The following FEV variants were observed in gnomAD, a reference collection of about 807,000 sequenced individuals.
FEV encodes the protein protein FEV.
FEV carries 14 observed loss-of-function variants against 20.5 expected under a neutral mutation model. That is an observed-to-expected ratio of 0.68 (90% CI 0.45 to 1.07). The LOEUF is 1.07. FEV is among the 50% of genes least tolerant of loss of function. FEV has a pLI of 0.00. For missense variants in FEV, 301 were observed against 345.3 expected, an observed-to-expected ratio of 0.87 and a Z score of 1.02; for synonymous variants, 188 against 163.7, an observed-to-expected ratio of 1.15 and a Z score of -1.13.
In FEV at chr2:218,981,963, G is replaced by C. The variant is rs1471467311; in HGVS notation, c.421C>G (p.His141Asp). Residue 141 changes from histidine (H) to aspartate (D), a missense_variant, in exon 3 of 3, where the codon CAC becomes GAC. Physicochemically the swap from His to Asp is moderately conservative, Grantham distance 81 (BLOSUM62 -1). Transcript: ENST00000295727. This position sits in a 1 kb window ranked among gnomAD's most constrained non-coding sequence, Gnocchi z 4.5. ...LAQACQPPPA[H>D]AHAAAAAAAA... Reference sequence around the variant, plus strand: ...GCAGCTGCGGCGGCGGCATGAGCGTGCGCGGGCGGCGGCTGGCAGGCCTGC... The same window carrying C: ...GCAGCTGCGGCGGCGGCATGAGCGTCCGCGGGCGGCGGCTGGCAGGCCTGC... 3.2e-6 allele frequency: 5 copies of C among 1,561,048 alleles called. No individual in the cohort carries two copies. Among genetic ancestry groups the C allele is most frequent in the Non-Finnish European group, 4.3e-6 (5 of 1,158,722 alleles).
chr2:218,982,589 A>T (rs1475277529), intron 2 of FEV, among the ~76,000 whole-genome samples: 1 of 152,222 alleles, frequency 6.6e-6, no homozygotes. Context: ...GCACCAAGGC[A>T]CTTGGCTTTC....
rs150412054 is a variant in FEV, at chr2:218,984,919, G to A, written c.52+105C>T. 2.0e-4 allele frequency: 219 copies of A among 1,071,244 alleles called. No homozygotes were observed. The East Asian group carries it at 5.6e-3, about 27-fold the overall frequency. 66.4% of individuals were successfully genotyped at this position (1,071,244 alleles called of 1,614,324 possible). Reference sequence around the variant, plus strand: ...GGCCCTCCATGCAACCCGAATCTCCGGACACTTCTCCTTCCCCTGGACCCC... The same window carrying A: ...GGCCCTCCATGCAACCCGAATCTCCAGACACTTCTCCTTCCCCTGGACCCC... On this transcript the variant is annotated intron_variant, in intron 1 of 2. Coordinates refer to ENST00000295727, the MANE Select transcript of FEV (RefSeq NM_017521.3). The surrounding 1 kb of genome is among the most constrained non-coding windows in gnomAD (Gnocchi z 5.0).
At chr2:218,983,427 C>T (rs1045297782) in intron 2 of FEV, among the ~76,000 whole-genome samples, 1 of 152,222 alleles carries the variant, frequency 6.6e-6, no homozygotes, top group Non-Finnish European at 1.5e-5. Context: ...ATCCCAATCC[C>T]TTCAAGCCAG....
Position 218,981,714 on chromosome 2 carries a change from A to G in FEV, c.670T>C (p.Phe224Leu). The G allele has an allele frequency of 7.5e-7, 1 of 1,340,266 alleles. No individual in the cohort carries two copies. The highest frequency in any genetic ancestry group is 9.5e-7 in the Non-Finnish European group (1 of 1,052,136). The allele number at this position is 1,340,266 out of a possible 1,614,324, so 83.0% of individuals were successfully genotyped here. ...TGCGAGGCTGCGGCCACGGCCCCGA[A>G]GGGCCCGGGCGGGGGCTGCAAGCTG... The part of the protein sequence containing the change: ...SPSLQPPPGP[F>L]GAVAAASHLG... The change falls in exon 3 of 3, where the codon TTC (phenylalanine) becomes CTC (leucine). Residue 224 changes from phenylalanine (F) to leucine (L), a missense_variant. By Grantham distance (22) the Phe-to-Leu change is conservative (BLOSUM62 0). Coordinates refer to ENST00000295727, the MANE Select transcript of FEV (RefSeq NM_017521.3). This position sits in a 1 kb window ranked among gnomAD's most constrained non-coding sequence, Gnocchi z 4.5.
Position 218,984,310 on chromosome 2 carries a change from A to G in FEV, c.53-5T>C. ...AGAGACCGTCTCCGACGGGATCTGC[A>G]AGCAGCAGAAGAAAAGAATCAGGAG... On this transcript the variant is annotated splice_region_variant and splice_polypyrimidine_tract_variant and intron_variant, in intron 1 of 2. Coordinates refer to ENST00000295727, the MANE Select transcript of FEV (RefSeq NM_017521.3). The surrounding 1 kb of genome is among the most constrained non-coding windows in gnomAD (Gnocchi z 5.0). 1.3e-6 allele frequency: 2 copies of G among 1,587,250 alleles called. No individual in the cohort carries two copies. Among genetic ancestry groups the G allele is most frequent in the East Asian group, 4.6e-5 (2 of 43,736 alleles).
chr2:218,984,993 G>T lies in FEV; in HGVS notation c.52+31C>A. 6.5e-7 allele frequency: 1 copy of T among 1,546,026 alleles called. No homozygotes were observed. Among genetic ancestry groups the T allele is most frequent in the Non-Finnish European group, 8.8e-7 (1 of 1,142,550 alleles). On this transcript the variant is annotated intron_variant, in intron 1 of 2. Coordinates refer to ENST00000295727, the MANE Select transcript of FEV (RefSeq NM_017521.3). The surrounding 1 kb of genome is among the most constrained non-coding windows in gnomAD (Gnocchi z 5.0). ...CCTAGACTTCCCGCCCCAGGTTCCG[G>T]TGCCACCAGCCTCCGGCTGGTCCCT... is the stretch of plus-strand genomic sequence containing the variant.
Position 218,982,035 on chromosome 2 carries a change from C to A in FEV, c.349G>T (p.Val117Leu). ...YYYDKNIMSK[V>L]HGKRYAYRFD... ...CGGTAGGCGTAGCGCTTGCCATGCACCTTGCTCATGATGTTCTTGTCGTAG... is the reference window on the plus strand; with the variant it reads ...CGGTAGGCGTAGCGCTTGCCATGCAACTTGCTCATGATGTTCTTGTCGTAG... Residue 117 changes from valine to leucine, a missense_variant, in exon 3 of 3, where the codon GTG (valine) becomes TTG (leucine). Physicochemically the swap from Val to Leu is conservative, Grantham distance 32. Transcript: ENST00000295727. 1 of 1,613,636 alleles carries A rather than the reference C, an allele frequency of 6.2e-7. No individual in the cohort carries two copies. The highest frequency in any genetic ancestry group is 8.5e-7 in the Non-Finnish European group (1 of 1,179,816).
chr2:218,981,930 C>A lies in FEV; in HGVS notation c.454G>T (p.Ala152Ser), dbSNP rs1574487190. ...AGCGCGCCGTCCTGGGCGGCCGCGGCGGCGGCAGCAGCTGCGGCGGCGGCA... is the reference window on the plus strand; with the variant it reads ...AGCGCGCCGTCCTGGGCGGCCGCGGAGGCGGCAGCAGCTGCGGCGGCGGCA... ...AHAAAAAAAA[A>S]AAAQDGALYK... The change falls in exon 3 of 3, where the codon GCC (alanine) becomes TCC (serine). Residue 152 changes from alanine (A) to serine (S), a missense_variant. By Grantham distance (99) the Ala-to-Ser change is moderately conservative (BLOSUM62 1). Transcript: ENST00000295727. This position sits in a 1 kb window ranked among gnomAD's most constrained non-coding sequence, Gnocchi z 4.5. 7.5e-7 allele frequency: 1 copy of A among 1,331,342 alleles called. No individual in the cohort carries two copies. Among genetic ancestry groups the A allele is most frequent in the South Asian group, 2.3e-5 (1 of 43,046 alleles). The allele number at this position is 1,331,342 out of a possible 1,614,324, so 82.5% of individuals were successfully genotyped here.
rs1250048071 is a variant in FEV, at chr2:218,981,512, GC to G, written c.*154del. On this transcript the variant is annotated 3_prime_UTR_variant, in exon 3 of 3. Transcript: ENST00000295727. This position sits in a 1 kb window ranked among gnomAD's most constrained non-coding sequence, Gnocchi z 4.5. Reference sequence around the variant, plus strand: ...CTAGTACCAGACAAGGATTGAGGGAGCTTCGGTCCCGTCCCCCTGCTAAGTG... The same window carrying G: ...CTAGTACCAGACAAGGATTGAGGGAGTTCGGTCCCGTCCCCCTGCTAAGTG... 2 of 532,444 alleles carry G rather than the reference GC, an allele frequency of 3.8e-6. No individual in the cohort carries two copies. The highest frequency in any genetic ancestry group is 7.0e-5 in the East Asian group (2 of 28,466). The allele number at this position is 532,444 out of a possible 1,614,324, so 33.0% of individuals were successfully genotyped here. A position where few individuals can be genotyped will look rare whatever the true frequency, so the allele number is the denominator to read the frequency against.
Position 218,984,283 on chromosome 2 carries a change from G to C in FEV, c.75C>G (p.Phe25Leu). The change falls in exon 2 of 3, where the codon TTC (phenylalanine) becomes TTG (leucine). Residue 25 changes from phenylalanine (F) to leucine (L), a missense_variant. Transcript: ENST00000295727. The surrounding 1 kb of genome is among the most constrained non-coding windows in gnomAD (Gnocchi z 5.0). ...CCCAGCTCGGGTTCTTCCCGTCCTT[G>C]AAGAGACCGTCTCCGACGGGATCTG... ...YLPDPVGDGL[F>L]KDGKNPSWGP... 6.2e-7 allele frequency: 1 copy of C among 1,601,404 alleles called. No homozygotes were observed. The highest frequency in any genetic ancestry group is 8.5e-7 in the Non-Finnish European group (1 of 1,174,132).
At chr2:218,983,057 G>T (rs1334199971) in intron 2 of FEV, among the ~76,000 whole-genome samples, 1 of 152,200 alleles carries the variant, frequency 6.6e-6, no homozygotes, top group African/African-American at 2.4e-5. Flanking sequence ...TAGTTCTCGG[G>T]GCCTGATGAA....
At position 218,981,443 on chromosome 2, in the gene FEV, A is replaced by G. The variant is rs112376740; in HGVS notation, c.*224T>C. On this transcript the variant is annotated 3_prime_UTR_variant, in exon 3 of 3. Transcript: ENST00000295727. This position sits in a 1 kb window ranked among gnomAD's most constrained non-coding sequence, Gnocchi z 4.5. ...GAAGAAAAAAAGTGAAAGAGGGCGC[A>G]CATCGCCCTCCTCAGGGGACTGCGG... 1.5e-5 allele frequency: 6 copies of G among 393,942 alleles called. No individual in the cohort carries two copies. The highest frequency in any genetic ancestry group is 1.4e-4 in the South Asian group (1 of 7,074). 24.4% of individuals were successfully genotyped at this position (393,942 alleles called of 1,614,324 possible). A position where few individuals can be genotyped will look rare whatever the true frequency, so the allele number is the denominator to read the frequency against.
Position 218,984,463 on chromosome 2 carries a change from GGC to G in FEV, c.53-160_53-159del. The G allele has an allele frequency of 6.3e-6, 4 of 638,438 alleles. No individual in the cohort carries two copies. The South Asian group carries it at 9.9e-5, about 16-fold the overall frequency. The allele number at this position is 638,438 out of a possible 1,614,324, so 39.5% of individuals were successfully genotyped here. On this transcript the variant is annotated intron_variant, in intron 1 of 2. Transcript: ENST00000295727. This position sits in a 1 kb window ranked among gnomAD's most constrained non-coding sequence, Gnocchi z 5.0. ...GCTCCTCCTCCCGGAGCCTGGTCCA[GGC>G]GCGCTGCGCGGAGCCCCTCCATAGA...
chr2:218,983,550 C>T (rs566865320), intron 2 of FEV, among the ~76,000 whole-genome samples: 47 of 152,184 alleles, frequency 3.1e-4, no homozygotes, highest in African/African-American at 1.4e-4. Context: ...GCAACCTCAG[C>T]GGCTTGGATG....
Position 218,985,159 on chromosome 2 carries a change from C to T in FEV, c.-84G>A, listed in dbSNP as rs1945428928. The T allele has an allele frequency of 3.8e-6, 4 of 1,062,560 alleles. No individual in the cohort carries two copies. Among genetic ancestry groups the T allele is most frequent in the Non-Finnish European group, 5.3e-6 (4 of 761,066 alleles). The allele number at this position is 1,062,560 out of a possible 1,614,324, so 65.8% of individuals were successfully genotyped here. ...CTTTGCGCTCGGTGGCACCGATCCC[C>T]GCCCGAAGCGACCGCGGGTGACAAG... On this transcript the variant is annotated 5_prime_UTR_variant, in exon 1 of 3. Transcript: ENST00000295727.
rs1189331526 is a variant in FEV at position 218,981,436 on chromosome 2, A to G, written c.*231T>C. 7.7e-6 allele frequency: 3 copies of G among 388,406 alleles called. No homozygotes were observed. The highest frequency in any genetic ancestry group is 6.2e-5 in the African/African-American group (3 of 48,464). 24.1% of individuals were successfully genotyped at this position (388,406 alleles called of 1,614,324 possible). On this transcript the variant is annotated 3_prime_UTR_variant, in exon 3 of 3. Coordinates refer to ENST00000295727, the MANE Select transcript of FEV (RefSeq NM_017521.3). The surrounding 1 kb of genome is among the most constrained non-coding windows in gnomAD (Gnocchi z 4.5). ...AGACCTAGAAGAAAAAAAGTGAAAG[A>G]GGGCGCACATCGCCCTCCTCAGGGG...
rs922130547 is a variant in FEV, at chr2:218,981,413, A to T, written c.*254T>A. 2.7e-6 allele frequency: 1 copy of T among 369,974 alleles called. No homozygotes were observed. The highest frequency in any genetic ancestry group is 4.8e-6 in the Non-Finnish European group (1 of 207,858). 22.9% of individuals were successfully genotyped at this position (369,974 alleles called of 1,614,324 possible). A position where few individuals can be genotyped will look rare whatever the true frequency, so the allele number is the denominator to read the frequency against. ...CACAAATCCCCTCCGGGACCTGGAG[A>T]CCTAGAAGAAAAAAAGTGAAAGAGG... On this transcript the variant is annotated 3_prime_UTR_variant, in exon 3 of 3. Coordinates refer to ENST00000295727, the MANE Select transcript of FEV (RefSeq NM_017521.3). The surrounding 1 kb of genome is among the most constrained non-coding windows in gnomAD (Gnocchi z 4.5).
chr2:218,982,247 T>C lies in FEV; in HGVS notation c.137A>G (p.Gln46Arg), dbSNP rs759630260. The change falls in exon 3 of 3, where the codon CAG (glutamine) becomes CGG (arginine). Residue 46 changes from glutamine (Q) to arginine (R), a missense_variant. Transcript: ENST00000295727. ...CAGCAGAAACTGCCACAGCTGGATC[T>C]GTCCGCTGCCTGTGGGGAGGGGGGC... Reference protein sequence around the residue: ...LSPAVQKGSGQIQLWQFLLEL... With the variant: ...LSPAVQKGSGRIQLWQFLLEL... The C allele has an allele frequency of 2.5e-6, 4 of 1,589,344 alleles. No individual in the cohort carries two copies. The highest frequency in any genetic ancestry group is 1.3e-5 in the African/African-American group (1 of 74,438).
chr2:218,981,859 G>A lies in FEV; in HGVS notation c.525C>T (p.Leu175=), dbSNP rs1428696145. ...AGGCGGCCATGAGGTTGAGTTTGGA[G>A]AGGCCGGGGAAGGGCAGCGGGGCGA... ...AGLAPLPFPG[L]SKLNLMAASA... The change falls in exon 3 of 3, where the codon CTC becomes CTT. Residue 175 remains leucine, a synonymous_variant. Transcript: ENST00000295727. This position sits in a 1 kb window ranked among gnomAD's most constrained non-coding sequence, Gnocchi z 4.5. 3 of 1,236,604 alleles carry A rather than the reference G, an allele frequency of 2.4e-6. No homozygotes were observed. Among genetic ancestry groups the A allele is most frequent in the African/African-American group, 3.1e-5 (2 of 63,678 alleles). 76.6% of individuals were successfully genotyped at this position (1,236,604 alleles called of 1,614,324 possible). A position where few individuals can be genotyped will look rare whatever the true frequency, so the allele number is the denominator to read the frequency against.
Sources: allele counts gnomAD v4.1 joint callset (sites outside exome capture counted in the v4.1 genomes callset), GRCh38; gene constraint gnomAD v4.1.1; non-coding constraint Gnocchi (gnomAD v3.1); transcripts MANE v1.5; gene names NCBI Gene and HGNC (gene_info 2026-07-23, HGNC 2026-07-21).